Variants in BPIFB4 observed in about 807,000 individuals in gnomAD.
The protein encoded by BPIFB4 is BPI fold containing family B member 4.
BPIFB4 carries 62 observed loss-of-function variants against 69.2 expected under a neutral mutation model. That is an observed-to-expected ratio of 0.90 (90% CI 0.73 to 1.11). BPIFB4 has a LOEUF of 1.11. Ranked by LOEUF, BPIFB4 falls within the 50% of genes least tolerant of loss-of-function variation. BPIFB4 has a pLI of 0.00. For missense variants in BPIFB4, 789 were observed against 792.0 expected, an observed-to-expected ratio of 1.00 and a Z score of 0.04; for synonymous variants, 330 against 332.7, an observed-to-expected ratio of 0.99 and a Z score of 0.09.
At chr20:33,099,168 T>G (rs1211648823) in intron 13 of BPIFB4, among the ~76,000 whole-genome samples, 1 of 152,088 alleles carries the variant, frequency 6.6e-6, no homozygotes, top group Admixed American at 6.6e-5. Context: ...ACTCAGACAC[T>G]TGGGACTCTG....
intron 12 of BPIFB4, among the ~76,000 whole-genome samples, chr20:33,095,983 G>A (rs1981742796): frequency 6.6e-6 from 1 of 152,186 alleles, no homozygotes; most frequent in African/African-American, 2.4e-5. Flanking sequence ...ATGCAGGTGT[G>A]AATGATGGCT....
In BPIFB4 at chr20:33,111,601, G is replaced by A. The variant is rs1207893580; in HGVS notation, c.*164G>A. The A allele has an allele frequency of 1.5e-5, 12 of 798,698 alleles. No homozygotes were observed. Among genetic ancestry groups the A allele is most frequent in the East Asian group, 5.4e-5 (2 of 37,158 alleles). 49.5% of individuals were successfully genotyped at this position (798,698 alleles called of 1,614,324 possible). A position where few individuals can be genotyped will look rare whatever the true frequency, so the allele number is the denominator to read the frequency against. On this transcript the variant is annotated 3_prime_UTR_variant, in exon 18 of 18. Transcript: ENST00000375483. ...TCCCTTGCCCCAACCCTGAGAAAGG[G>A]TCCAGCCACTACCCTGTTGGCAAAC...
intron 7 of BPIFB4, among the ~76,000 whole-genome samples, chr20:33,086,687 G>A (rs1981440082): frequency 6.6e-6 from 1 of 152,234 alleles, no homozygotes; most frequent in African/African-American, 2.4e-5. Context: ...GTGCGTTGGT[G>A]CCCCAGATCA....
At position 33,092,730 on chromosome 20, in the gene BPIFB4, C is replaced by T. The variant is rs546283150; in HGVS notation, c.1344+72C>T. The T allele has an allele frequency of 7.7e-6, 11 of 1,424,208 alleles. No homozygotes were observed. The Admixed American group carries it at 1.0e-4, about 13-fold the overall frequency. The allele number at this position is 1,424,208 out of a possible 1,614,324, so 88.2% of individuals were successfully genotyped here. A position where few individuals can be genotyped will look rare whatever the true frequency, so the allele number is the denominator to read the frequency against. The stretch of plus-strand genomic sequence containing the variant: ...TGCCAGTGACCCTTCTCAGTCTCCA[C>T]AGACTTGGGGAATTTGCTGTGAAGT... On this transcript the variant is annotated intron_variant, in intron 11 of 17. Coordinates refer to ENST00000375483, the MANE Select transcript of BPIFB4 (RefSeq NM_182519.3).
rs567934675 is a variant in BPIFB4 at position 33,084,492 on chromosome 20, G to A, written c.678-400G>A. Among the ~76,000 whole-genome samples the A allele has an allele frequency of 8.7e-4, 133 of 152,304 alleles. 1 individual carries two copies. Among genetic ancestry groups the A allele is most frequent in the South Asian group, 2.1e-3 (10 of 4,822 alleles). ...CGGGGCAGCTCACCTACCTAGGGAG[G>A]TCAAGGGAGGCTTCCTGGAGGAAGA... On this transcript the variant is annotated intron_variant, in intron 5 of 17. Coordinates refer to ENST00000375483, the MANE Select transcript of BPIFB4 (RefSeq NM_182519.3).
At position 33,089,503 on chromosome 20, in the gene BPIFB4, C is replaced by T. The variant is rs766117271; in HGVS notation, c.996C>T (p.Cys332=). ...VLADVLPDLL[C]PIVDVVLGLV... ...GTGCCATTTCTCCCCTGCAGCTCTGCCCCATCGTGGATGTGGTGCTGGGTC... is the reference window on the plus strand; with the variant it reads ...GTGCCATTTCTCCCCTGCAGCTCTGTCCCATCGTGGATGTGGTGCTGGGTC... Residue 332 remains cysteine, a synonymous_variant, in exon 9 of 18, where the codon TGC becomes TGT. Transcript: ENST00000375483. 6.2e-7 allele frequency: 1 copy of T among 1,614,224 alleles called. No individual in the cohort carries two copies. Among genetic ancestry groups the T allele is most frequent in the Admixed American group, 1.7e-5 (1 of 60,032 alleles).
At chr20:33,103,145 C>A in intron 15 of BPIFB4, 131 bp downstream of exon 15, 2 of 985,784 alleles carry the variant, frequency 2.0e-6, no homozygotes, top group African/African-American at 1.6e-5. Context: ...CTCCCGTCAA[C>A]ACTATCAGCC....
intron 17 of BPIFB4, 104 bp from the exon 18 acceptor site, chr20:33,111,310 T>A: frequency 6.8e-7 from 1 of 1,474,914 alleles, no homozygotes. Flanking sequence ...TCAGAGTTAC[T>A]GCTTCCTAGA....
chr20:33,087,626 G>A (rs1359265301), intron 7 of BPIFB4, among the ~76,000 whole-genome samples: 1 of 151,724 alleles, frequency 6.6e-6, no homozygotes, highest in Non-Finnish European at 1.5e-5. Context: ...TCATTTCACA[G>A]GAGGGTCGAT....
At chr20:33,089,605 G>A (rs749557366) in intron 9 of BPIFB4, 47 bp downstream of exon 9, 10 of 1,613,648 alleles carry the variant, frequency 6.2e-6, no homozygotes, top group Middle Eastern at 1.7e-4. Flanking sequence ...ACTGAGGACC[G>A]GGCCCTTTCT....
At chr20:33,091,876 A>G (rs930102267) in intron 10 of BPIFB4, among the ~76,000 whole-genome samples, 4 of 152,250 alleles carry the variant, frequency 2.6e-5, no homozygotes, top group African/African-American at 9.6e-5. Context: ...CAGGGGGTGT[A>G]TGATCCACCC....
rs149575217 is a variant in BPIFB4, at chr20:33,092,011, G to A, written c.1144-447G>A. 1.1e-3 allele frequency among the ~76,000 whole-genome samples: 169 copies of A among 152,288 alleles called. 1 individual carries two copies. The highest frequency in any genetic ancestry group is 3.8e-3 in the African/African-American group (157 of 41,552). ...CCTGTGGGAAGGCTCCATGGTGGGGGTAGTGGTGTTGTGGGGAGACTGCAA... is the reference window on the plus strand; with the variant it reads ...CCTGTGGGAAGGCTCCATGGTGGGGATAGTGGTGTTGTGGGGAGACTGCAA... On this transcript the variant is annotated intron_variant, in intron 10 of 17. Coordinates refer to ENST00000375483, the MANE Select transcript of BPIFB4 (RefSeq NM_182519.3).
chr20:33,100,593 TG>T, intron 14 of BPIFB4, 100 bp downstream of exon 14: 1 of 1,137,998 alleles, frequency 8.8e-7, no homozygotes. Context: ...CCATCAGGGC[TG>T]GGTAAACCCA....
chr20:33,111,364 T>G (rs1226918856), intron 17 of BPIFB4, 50 bp from the exon 18 acceptor site: 1 of 1,613,010 alleles, frequency 6.2e-7, no homozygotes, highest in Non-Finnish European at 8.5e-7. Context: ...AGCAAGGCTC[T>G]AGCCAGAGCC....
At chr20:33,081,437 G>T in intron 2 of BPIFB4, 75 bp from the exon 3 acceptor site, 1 of 1,520,150 alleles carries the variant, frequency 6.6e-7, no homozygotes, top group Non-Finnish European at 8.8e-7. Context: ...CTCTTGGCTG[G>T]GGCTGCCTAG....
intron 12 of BPIFB4, 21 bp downstream of exon 12, chr20:33,095,174 C>G (rs1469054264): frequency 6.3e-7 from 1 of 1,581,162 alleles, no homozygotes; most frequent in Admixed American, 1.7e-5. Context: ...TGGGCAGGTC[C>G]CATTGCCTTC....
At position 33,082,940 on chromosome 20, in the gene BPIFB4, A is replaced by G. The variant is rs1447730418; in HGVS notation, c.109A>G (p.Ile37Val). Residue 37 changes from isoleucine to valine, a missense_variant and splice_region_variant, in exon 4 of 18, where the codon ATT becomes GTT. By Grantham distance (29) the Ile-to-Val change is conservative (BLOSUM62 3). Coordinates refer to ENST00000375483, the MANE Select transcript of BPIFB4 (RefSeq NM_182519.3). ...CTGATGCCCTTGCCTCTCTGCAGCCATTTCAGGCATGCTGCAGCAAAGTGA... is the reference window on the plus strand; with the variant it reads ...CTGATGCCCTTGCCTCTCTGCAGCCGTTTCAGGCATGCTGCAGCAAAGTGA... ...RVTKDVLSNA[I>V]SGMLQQSDAL... The G allele has an allele frequency of 6.2e-7, 1 of 1,613,036 alleles. No homozygotes were observed. The highest frequency in any genetic ancestry group is 1.7e-5 in the Admixed American group (1 of 59,982).
chr20:33,106,410 T>C (rs1982058836), intron 16 of BPIFB4, among the ~76,000 whole-genome samples: 1 of 141,760 alleles, frequency 7.1e-6, no homozygotes, highest in Non-Finnish European at 1.5e-5. Flanking sequence ...TCTCACTCTG[T>C]GGCCCAGGCT....
intron 8 of BPIFB4, 125 bp from the exon 9 acceptor site, chr20:33,089,373 A>G: frequency 6.8e-7 from 1 of 1,460,618 alleles, no homozygotes; most frequent in Non-Finnish European, 9.4e-7. Context: ...GGCTGTGGTG[A>G]GGAGAGTGCC....
Sources: allele counts gnomAD v4.1 joint callset (sites outside exome capture counted in the v4.1 genomes callset), GRCh38; gene constraint gnomAD v4.1.1; transcripts MANE v1.5; gene names NCBI Gene and HGNC (gene_info 2026-07-23, HGNC 2026-07-21).